The following WRAP73 variants were observed in gnomAD, a reference collection of about 807,000 sequenced individuals.
The protein encoded by WRAP73 is WD repeat-containing protein WRAP73.
In WRAP73, 55 loss-of-function variants were observed where a neutral mutation model predicts 59.6. The ratio of observed to expected loss-of-function variants is 0.92; its 90% confidence interval spans 0.74 to 1.15. WRAP73 has a LOEUF of 1.15. WRAP73 is among the 50% of genes most tolerant of loss of function. The probability of loss-of-function intolerance (pLI) is 0.00; values close to 1 mark genes in which losing one functional copy is unlikely to be tolerated. For synonymous variants in WRAP73, 265 were observed against 258.2 expected, an observed-to-expected ratio of 1.03 and a Z score of -0.25; for missense variants, 592 against 608.1, an observed-to-expected ratio of 0.97 and a Z score of 0.28.
At chr1:3,631,990 G>A in intron 10 of WRAP73, 1 of 1,427,284 alleles carries the variant, frequency 7.0e-7, no homozygotes, top group Non-Finnish European at 9.1e-7. Flanking sequence ...GAGCAAGTGA[G>A]CAGGGTGGAG....
At chr1:3,635,741 A>G in intron 6 of WRAP73, 2 of 558,048 alleles carry the variant, frequency 3.6e-6, no homozygotes, top group South Asian at 4.3e-5. Context: ...GGATCACTTG[A>G]GTCCAGGAGG....
intron 7 of WRAP73, 33 bp from the exon 8 acceptor site, chr1:3,635,107 G>A: frequency 6.2e-7 from 1 of 1,614,140 alleles, no homozygotes; most frequent in Middle Eastern, 1.6e-4. Flanking sequence ...GGTGAGGCAG[G>A]GCCCGGCCCG....
Position 3,633,521 on chromosome 1 carries a change from G to T in WRAP73, c.817-18C>A, listed in dbSNP as rs377111509. 3 of 1,565,454 alleles carry T rather than the reference G, an allele frequency of 1.9e-6. No individual in the cohort carries two copies. In the African/African-American group the frequency reaches 4.1e-5, roughly 22 times the overall value. On this transcript the variant is annotated intron_variant, in intron 8 of 11. Coordinates refer to ENST00000270708, the MANE Select transcript of WRAP73 (RefSeq NM_017818.4). Reference sequence around the variant, plus strand: ...TACACCACCTGAAAGACACAAGGTGGCCACGCCCGGCTCAGGACAGGGACC... The same window carrying T: ...TACACCACCTGAAAGACACAAGGTGTCCACGCCCGGCTCAGGACAGGGACC...
In WRAP73 at chr1:3,649,927, T is replaced by C. The variant is rs1327083912; in HGVS notation, c.69+4A>G. On this transcript the variant is annotated splice_donor_region_variant and intron_variant, in intron 1 of 11. Transcript: ENST00000270708. ...TGCCCGTGGCCCAGGTCCCCGCCGC[T>C]CACCAGGTACTTGCCGTCCGGGGAG... 1 of 1,599,766 alleles carries C rather than the reference T, an allele frequency of 6.3e-7. No individual in the cohort carries two copies. Among genetic ancestry groups the C allele is most frequent in the South Asian group, 1.1e-5 (1 of 88,840 alleles).
chr1:3,631,558 G>C lies in WRAP73; in HGVS notation c.1148C>G (p.Pro383Arg), dbSNP rs151110688. 8.7e-6 allele frequency: 14 copies of C among 1,611,392 alleles called. No homozygotes were observed. ...LSPVRAFQWD[P>R]QQPRLAICTG... ...GCAGATGGCCAGCCGCGGCTGCTGCGGGTCCCACTGAAATGCGCGCACTGG... is the reference window on the plus strand; with the variant it reads ...GCAGATGGCCAGCCGCGGCTGCTGCCGGTCCCACTGAAATGCGCGCACTGG... Residue 383 changes from proline (P) to arginine (R), a missense_variant, in exon 11 of 12, where the codon CCG becomes CGG. Physicochemically the swap from Pro to Arg is moderately radical, Grantham distance 103. Coordinates refer to ENST00000270708, the MANE Select transcript of WRAP73 (RefSeq NM_017818.4).
At chr1:3,632,413 C>G in intron 9 of WRAP73, 75 bp from the exon 10 acceptor site, 1 of 1,609,024 alleles carries the variant, frequency 6.2e-7, no homozygotes, top group East Asian at 2.2e-5. Flanking sequence ...GGCTGCTGTG[C>G]CTGCATCGGG....
In WRAP73 at chr1:3,635,973, C is replaced by T. The variant is rs1348782401; in HGVS notation, c.574G>A (p.Val192Met). Residue 192 changes from valine to methionine, a missense_variant, in exon 6 of 12, where the codon GTG becomes ATG. By Grantham distance (21) the Val-to-Met change is conservative. Transcript: ENST00000270708. ...TGIEWAPNGC[V>M]LAVWDTCLEY... ...AAGCAGGTGTCCCACACTGCCAGCA[C>T]ACAGCCGTTTGGGGCCCACTCAATC... The T allele has an allele frequency of 1.2e-5, 20 of 1,614,096 alleles. No individual in the cohort carries two copies. Among genetic ancestry groups the T allele is most frequent in the Non-Finnish European group, 1.7e-5 (20 of 1,180,020 alleles).
chr1:3,636,668 C>A, intron 5 of WRAP73: 1 of 401,858 alleles, frequency 2.5e-6, no homozygotes, highest in South Asian at 2.0e-5. Context: ...AATGCAGGCC[C>A]TCAGTCAAGG....
Position 3,640,497 on chromosome 1 carries a change from G to C in WRAP73, c.340-1675C>G, listed in dbSNP as rs1430757179. On this transcript the variant is annotated intron_variant, in intron 3 of 11. Transcript: ENST00000270708. ...GGCAGGGTGGAACACCCGAGGCTCT[G>C]AGCATCAGCAGGGCGGGGTGCAGCG... Among the ~76,000 whole-genome samples, 87 of 23,800 alleles carry C rather than the reference G, an allele frequency of 3.7e-3. 4 individuals are homozygous for C. The highest frequency in any genetic ancestry group is 0.012 in the African/African-American group (83 of 7,192). The allele number at this position is 23,800 out of a possible 152,430, so 15.6% of individuals were successfully genotyped here.
chr1:3,636,544 CA>C, intron 5 of WRAP73: 1 of 338,408 alleles, frequency 3.0e-6, no homozygotes, highest in South Asian at 2.3e-5. Flanking sequence ...TGCACTCTGA[CA>C]GCATTCCAGA....
intron 3 of WRAP73, among the ~76,000 whole-genome samples, chr1:3,645,931 A>T (rs1345586768): frequency 6.6e-6 from 1 of 152,220 alleles, no homozygotes; most frequent in African/African-American, 2.4e-5. Context: ...CTCATATCAC[A>T]GCGCATTTTC....
At chr1:3,635,758 C>G (rs1644583684) in intron 6 of WRAP73, 186 bp downstream of exon 6, 1 of 578,572 alleles carries the variant, frequency 1.7e-6, no homozygotes, top group Admixed American at 3.2e-5. Context: ...GAGGTCGAGG[C>G]TGCAGTGGGC....
intron 3 of WRAP73, among the ~76,000 whole-genome samples, chr1:3,641,278 A>G (rs1644641926): frequency 6.6e-6 from 1 of 151,808 alleles, no homozygotes. Flanking sequence ...ACCGATCCAC[A>G]CCACAACTCA....
Position 3,649,944 on chromosome 1 carries a change from T to C in WRAP73, c.56A>G (p.Asp19Gly). The change falls in exon 1 of 12, where the codon GAC becomes GGC. Residue 19 changes from aspartate to glycine, a missense_variant. Coordinates refer to ENST00000270708, the MANE Select transcript of WRAP73 (RefSeq NM_017818.4). The stretch of plus-strand genomic sequence containing the variant: ...CCCGCCGCTCACCAGGTACTTGCCG[T>C]CCGGGGAGAACTTGCAGAGTAAGCT... ...LSSLLCKFSP[D>G]GKYLASCVQY... is the part of the protein sequence containing the mutation. The C allele has an allele frequency of 6.2e-7, 1 of 1,603,410 alleles. No homozygotes were observed. Among genetic ancestry groups the C allele is most frequent in the Non-Finnish European group, 8.5e-7 (1 of 1,176,246 alleles).
rs563873601 is a variant in WRAP73, at chr1:3,646,592, C to T, written c.339+74G>A. 1.7e-4 allele frequency: 212 copies of T among 1,284,044 alleles called. No homozygotes were observed. The African/African-American group carries it at 2.7e-3, about 16-fold the overall frequency. 79.5% of individuals were successfully genotyped at this position (1,284,044 alleles called of 1,614,324 possible). ...AGCATACTCCAAACACACCCCCTCT[C>T]GCACTCCCCAGCTGTTTCGAGAGCA... is the stretch of plus-strand genomic sequence containing the variant. On this transcript the variant is annotated intron_variant, in intron 3 of 11. Coordinates refer to ENST00000270708, the MANE Select transcript of WRAP73 (RefSeq NM_017818.4). This position sits in a 1 kb window ranked among gnomAD's most constrained non-coding sequence, Gnocchi z 5.1.
chr1:3,635,623 G>A lies in WRAP73; in HGVS notation c.603+321C>T, dbSNP rs989299570. 6.3e-6 allele frequency: 3 copies of A among 476,782 alleles called. No individual in the cohort carries two copies. The Admixed American group carries it at 1.1e-4, about 18-fold the overall frequency. The allele number at this position is 476,782 out of a possible 1,614,324, so 29.5% of individuals were successfully genotyped here. A position where few individuals can be genotyped will look rare whatever the true frequency, so the allele number is the denominator to read the frequency against. On this transcript the variant is annotated intron_variant, in intron 6 of 11. Transcript: ENST00000270708. ...ATCACTTGAACACAGAAGTTCAAGAGCAGTCTGGGCAACACGGTGAAACCC... is the reference window on the plus strand; with the variant it reads ...ATCACTTGAACACAGAAGTTCAAGAACAGTCTGGGCAACACGGTGAAACCC...
chr1:3,640,660 A>G (rs1350619044), intron 3 of WRAP73, among the ~76,000 whole-genome samples: 31 of 127,272 alleles, frequency 2.4e-4, no homozygotes, highest in South Asian at 5.7e-4. Flanking sequence ...TCAGCAGGGC[A>G]GGGTGGAGCG....
intron 9 of WRAP73, 26 bp downstream of exon 9, chr1:3,633,372 C>T: frequency 6.3e-7 from 1 of 1,586,256 alleles, no homozygotes; most frequent in Non-Finnish European, 8.7e-7. Flanking sequence ...AAAAGGAAAA[C>T]AAATGACATC....
rs756447311 is a variant in WRAP73 at position 3,635,300 on chromosome 1, G to C, written c.604-6C>G. 1.2e-6 allele frequency: 2 copies of C among 1,613,692 alleles called. No homozygotes were observed. Among genetic ancestry groups the C allele is most frequent in the Non-Finnish European group, 1.7e-6 (2 of 1,179,934 alleles). On this transcript the variant is annotated splice_region_variant and splice_polypyrimidine_tract_variant and intron_variant, in intron 6 of 11. Coordinates refer to ENST00000270708, the MANE Select transcript of WRAP73 (RefSeq NM_017818.4). ...GAGTACAGCAGAATCTTGTACTGCAGATGAGACATTTCAGTTAATAATGAA... is the reference window on the plus strand; with the variant it reads ...GAGTACAGCAGAATCTTGTACTGCACATGAGACATTTCAGTTAATAATGAA...
Sources: gnomAD v4.1 joint callset for allele counts (sites outside exome capture counted in the v4.1 genomes callset) on GRCh38, gnomAD v4.1.1 for gene constraint, Gnocchi (gnomAD v3.1) non-coding constraint, MANE v1.5 for transcripts, NCBI Gene and HGNC (gene_info 2026-07-23, HGNC 2026-07-21) for gene names.